The following ABCA13 variants were observed in gnomAD, a reference collection of about 807,000 sequenced individuals.
ABCA13 encodes the protein ATP binding cassette subfamily A member 13.
ABCA13 carries 476 observed loss-of-function variants against 478.7 expected under a neutral mutation model. The ratio of observed to expected loss-of-function variants is 0.99; its 90% CI spans 0.92 to 1.07. ABCA13 has a LOEUF of 1.07. Ranked by LOEUF, ABCA13 falls within the 50% of genes least tolerant of loss-of-function variation. The pLI, the probability that ABCA13 is intolerant of heterozygous loss-of-function variation, is 0.00. For missense variants in ABCA13, 6,060 were observed against 5,910.6 expected (o/e 1.03, Z -0.83); for synonymous variants, 2,252 against 2,158.9 (o/e 1.04, Z -1.20).
intron 3 of ABCA13, among the ~76,000 whole-genome samples, 171 bp from the exon 4 acceptor site, chr7:48,219,183 G>A (rs1786958122): frequency 6.6e-6 from 1 of 152,170 alleles, no homozygotes; most frequent in Non-Finnish European, 1.5e-5. Flanking sequence ...TTTAAATAAT[G>A]ATTTCTCTTT....
Position 48,374,388 on chromosome 7 carries a change from T to A in ABCA13, c.11175T>A (p.Phe3725Leu). The A allele has an allele frequency of 6.2e-7, 1 of 1,610,702 alleles. No homozygotes were observed. The part of the protein sequence containing the change: ...STTAFGQGVF[F>L]ITFLEGQETG... ...CCGCCTTTGGACAAGGGGTATTTTT[T>A]ATTACATTCCTGGAAGGACAAGAGA... Residue 3725 changes from phenylalanine to leucine, a missense_variant, in exon 34 of 62, where the codon TTT (phenylalanine) becomes TTA (leucine). By Grantham distance (22) the Phe-to-Leu change is conservative. Around this residue, in one of 3 missense-constraint regions of ABCA13, gnomAD observed 4,423 missense variants for 4,309.1 expected, o/e 1.03. Coordinates refer to ENST00000435803, the MANE Select transcript of ABCA13 (RefSeq NM_152701.5).
chr7:48,293,192 G>GCCCCACCCC (rs1554419599), intron 20 of ABCA13, among the ~76,000 whole-genome samples: 7 of 108,272 alleles, frequency 6.5e-5, no homozygotes, highest in African/African-American at 2.1e-4. Context: ...GAAGTCTTCA[G>GCCCCACCCC]CCCCCCCCCC....
At chr7:48,276,667 A>G in intron 17 of ABCA13, 102 bp downstream of exon 17, 1 of 874,270 alleles carries the variant, frequency 1.1e-6, no homozygotes, top group South Asian at 1.8e-5. Context: ...TTTGTATCTA[A>G]TACCTTTGAA....
intron 59 of ABCA13, among the ~76,000 whole-genome samples, chr7:48,618,299 G>A (rs1311560067): frequency 1.3e-5 from 2 of 152,094 alleles, no homozygotes; most frequent in Non-Finnish European, 2.9e-5. Context: ...CAAAACCTTG[G>A]TACATGCACT....
chr7:48,481,616 G>A (rs969801336), intron 46 of ABCA13, among the ~76,000 whole-genome samples: 5 of 56,588 alleles, frequency 8.8e-5, no homozygotes, highest in African/African-American at 2.9e-4. Flanking sequence ...AGAGATTCTC[G>A]TGCCTCAGCC....
chr7:48,549,011 C>T (rs1404711477), intron 55 of ABCA13, among the ~76,000 whole-genome samples: 3 of 151,636 alleles, frequency 2.0e-5, no homozygotes, highest in Non-Finnish European at 2.9e-5. Context: ...AGCCAGACAA[C>T]TCTAGCCTAT....
chr7:48,531,203 A>G (rs1057410666), intron 55 of ABCA13, among the ~76,000 whole-genome samples: 34 of 152,114 alleles, frequency 2.2e-4, no homozygotes, highest in African/African-American at 7.7e-4. Context: ...ATTCTTCAAC[A>G]TGTGGCTTGC....
Position 48,544,845 on chromosome 7 carries a change from C to T in ABCA13, c.14354+16500C>T, listed in dbSNP as rs181977039. On this transcript the variant is annotated intron_variant, in intron 55 of 61. Transcript: ENST00000435803. ...CTTGTGACTGGCATCTGAAAGGGAG[C>T]GGTCTTGGGGACTGAGCCCTCAACT... Among the ~76,000 whole-genome samples the T allele has an allele frequency of 9.2e-5, 14 of 151,770 alleles. 1 individual carries two copies. The highest frequency in any genetic ancestry group is 3.3e-4 in the Admixed American group (5 of 15,172).
chr7:48,239,096 TA>T, intron 8 of ABCA13, 144 bp from the exon 9 acceptor site: 1 of 799,130 alleles, frequency 1.3e-6, no homozygotes, highest in Non-Finnish European at 1.9e-6. Context: ...TCCCTCAAGG[TA>T]AATCACATAG....
chr7:48,215,096 CA>C lies in ABCA13; in HGVS notation c.288-4256del, dbSNP rs1247244277. The stretch of plus-strand genomic sequence containing the variant: ...TGCTACTGCTCTCCAGCCTGGGCAA[CA>C]AGAGTGAGACTCTGTCTCTAATAAT... On this transcript the variant is annotated intron_variant, in intron 3 of 61. Coordinates refer to ENST00000435803, the MANE Select transcript of ABCA13 (RefSeq NM_152701.5). Among the ~76,000 whole-genome samples the C allele has an allele frequency of 2.0e-5, 3 of 152,094 alleles. No homozygotes were observed. The East Asian group carries it at 5.8e-4, about 29-fold the overall frequency.
intron 48 of ABCA13, among the ~76,000 whole-genome samples, chr7:48,493,247 C>T (rs749585856): frequency 1.3e-5 from 2 of 152,090 alleles, no homozygotes; most frequent in Non-Finnish European, 2.9e-5. Flanking sequence ...TGCTTTTGCA[C>T]TATATTTTAG....
At chr7:48,288,215 G>A (rs1281980187) in intron 20 of ABCA13, 137 bp downstream of exon 20, 5 of 797,910 alleles carry the variant, frequency 6.3e-6, no homozygotes, top group Non-Finnish European at 8.1e-6. Flanking sequence ...TTGCAAGCTG[G>A]GCTTGCAGAA....
chr7:48,605,934 A>G (rs1030375124), intron 58 of ABCA13, among the ~76,000 whole-genome samples: 4 of 151,766 alleles, frequency 2.6e-5, no homozygotes, highest in African/African-American at 9.7e-5. Flanking sequence ...TTCTCTAATC[A>G]TGTCTTCTTG....
In ABCA13 at chr7:48,256,536, C is replaced by T. The variant is rs573075521; in HGVS notation, c.2005+7185C>T. ...ACATGGCTAGCCAGTTATTCCAGCA[C>T]CTTTTATTGATTAAGGAATCCTATC... On this transcript the variant is annotated intron_variant, in intron 15 of 61. Transcript: ENST00000435803. Among the ~76,000 whole-genome samples, 3 of 152,218 alleles carry T rather than the reference C, an allele frequency of 2.0e-5. No individual in the cohort carries two copies. The East Asian group carries it at 5.8e-4, about 29-fold the overall frequency.
chr7:48,272,632 C>T lies in ABCA13; in HGVS notation c.2966C>T (p.Thr989Ile). Residue 989 changes from threonine (T) to isoleucine (I), a missense_variant, in exon 17 of 62, where the codon ACA becomes ATA. By Grantham distance (89) the Thr-to-Ile change is moderately conservative. Around this residue, in one of 3 missense-constraint regions of ABCA13, gnomAD observed 4,423 missense variants for 4,309.1 expected, o/e 1.03. Transcript: ENST00000435803. Reference sequence around the variant, plus strand: ...AGAGGCTCTTCGTTGACTTTCCTTACACAAATCTCAAAACACATTTTGGAT... The same window carrying T: ...AGAGGCTCTTCGTTGACTTTCCTTATACAAATCTCAAAACACATTTTGGAT... ...QSRGSSLTFL[T>I]QISKHILDII... The T allele has an allele frequency of 1.9e-6, 3 of 1,613,050 alleles. No individual in the cohort carries two copies. Among genetic ancestry groups the T allele is most frequent in the South Asian group, 1.1e-5 (1 of 91,032 alleles).
In ABCA13 at chr7:48,352,292, C is replaced by T; in HGVS notation, c.10493C>T (p.Thr3498Ile). The change falls in exon 31 of 62, where the codon ACA (threonine) becomes ATA (isoleucine). Residue 3498 changes from threonine (T) to isoleucine (I), a missense_variant. Transcript: ENST00000435803. Reference protein sequence around the residue: ...IRTNVLYSVRTDVVKNPSWKF... With the variant: ...IRTNVLYSVRIDVVKNPSWKF... The stretch of plus-strand genomic sequence containing the variant: ...ACCAATGTGTTATACAGCGTGCGAA[C>T]AGATGTGGTAAAAAACCCTTCTTGG... 6.2e-7 allele frequency: 1 copy of T among 1,613,862 alleles called. No individual in the cohort carries two copies. The highest frequency in any genetic ancestry group is 1.7e-4 in the Middle Eastern group (1 of 6,060).
intron 41 of ABCA13, among the ~76,000 whole-genome samples, chr7:48,417,856 C>T (rs567471238): frequency 2.8e-4 from 43 of 152,360 alleles, no homozygotes; most frequent in African/African-American, 9.9e-4. Context: ...AGCCCCAGCC[C>T]TCAGCAACCA....
rs560345298 is a variant in ABCA13 at position 48,264,241 on chromosome 7, A to G, written c.2006-4739A>G. 5.1e-4 allele frequency among the ~76,000 whole-genome samples: 78 copies of G among 152,040 alleles called. 2 individuals carry two copies. The highest frequency in any genetic ancestry group is 7.4e-5 in the Non-Finnish European group (5 of 67,818). ...GCTGACTCTTTCTGGCTTTACAAGT[A>G]AAGCTGCTGTGAACATTCACGGACA... On this transcript the variant is annotated intron_variant, in intron 15 of 61. Transcript: ENST00000435803.
chr7:48,250,107 C>A (rs535373416), intron 15 of ABCA13, among the ~76,000 whole-genome samples: 1 of 152,224 alleles, frequency 6.6e-6, no homozygotes, highest in South Asian at 2.1e-4. Context: ...CAGCTTACTT[C>A]CTAGGTTACT....
Sources: allele counts gnomAD v4.1 joint callset (sites outside exome capture counted in the v4.1 genomes callset), GRCh38; gene constraint gnomAD v4.1.1; regional missense constraint gnomAD v4.1.1; transcripts MANE v1.5; gene names NCBI Gene and HGNC (gene_info 2026-07-23, HGNC 2026-07-21).